The following THSD4 variants were observed in gnomAD, a reference collection of about 807,000 sequenced individuals.
The protein encoded by THSD4 is thrombospondin type-1 domain-containing protein 4.
THSD4 carries 69 observed loss-of-function variants against 119.0 expected under a neutral mutation model. The ratio of observed to expected loss-of-function variants is 0.58; its 90% confidence interval spans 0.48 to 0.71. The LOEUF is 0.71. Among genes scored for constraint, THSD4 ranks in the 30% least tolerant of loss-of-function variants. The pLI, the probability that THSD4 is intolerant of heterozygous loss-of-function variation, is 0.00. For missense variants in THSD4, 1,393 were observed against 1,391.1 expected (o/e 1.00, Z -0.02); for synonymous variants, 524 against 540.4 (o/e 0.97, Z 0.42).
In THSD4 at chr15:71,556,701, G is replaced by A. The variant is rs775106319; in HGVS notation, c.1153-103829G>A. On this transcript the variant is annotated intron_variant, in intron 7 of 17. Transcript: ENST00000261862. ...ATTACCTAAACACAGGGAGGCTGAC[G>A]CTGCAGTGAGCCATGATCATACCGC... 7.3e-5 allele frequency among the ~76,000 whole-genome samples: 11 copies of A among 151,462 alleles called. No homozygotes were observed. In the East Asian group the frequency reaches 9.7e-4, roughly 13 times the overall value.
At chr15:71,451,680 A>G (rs1443893372) in intron 7 of THSD4, among the ~76,000 whole-genome samples, 1 of 152,178 alleles carries the variant, frequency 6.6e-6, no homozygotes, top group Non-Finnish European at 1.5e-5. Flanking sequence ...TCTGGTTTAG[A>G]TGTCACTTCT....
chr15:71,142,677 A>G (rs2040616599), intron 2 of THSD4, among the ~76,000 whole-genome samples: 1 of 152,242 alleles, frequency 6.6e-6, no homozygotes, highest in African/African-American at 2.4e-5. Context: ...AACCCATTAC[A>G]GGTAAGTACT....
At chr15:71,715,659 G>A (rs2173873) in intron 8 of THSD4, among the ~76,000 whole-genome samples, 108,192 of 151,936 alleles carry the variant, frequency 0.71, 44,185 homozygotes, top group South Asian at 0.93. Context: ...TCATAGTATA[G>A]TAAAATTTAA....
intron 6 of THSD4, among the ~76,000 whole-genome samples, chr15:71,274,276 G>GTA (rs1448703817): frequency 5.9e-5 from 9 of 152,234 alleles, no homozygotes; most frequent in Non-Finnish European, 1.0e-4. Context: ...CATTCAGCTG[G>GTA]TAGGGCTTCC....
At chr15:71,604,570 T>A (rs927109680) in intron 7 of THSD4, among the ~76,000 whole-genome samples, 1 of 152,184 alleles carries the variant, frequency 6.6e-6, no homozygotes, top group Non-Finnish European at 1.5e-5. Flanking sequence ...AGGCCTAGGA[T>A]ATTCTAATGC....
At chr15:71,240,534 A>G (rs917438716) in intron 4 of THSD4, among the ~76,000 whole-genome samples, 1 of 152,108 alleles carries the variant, frequency 6.6e-6, no homozygotes, top group South Asian at 2.1e-4. Context: ...AGAATTTGCA[A>G]CTTAACAAGA....
At chr15:71,145,048 T>A (rs1381314203) in intron 2 of THSD4, among the ~76,000 whole-genome samples, 1 of 152,188 alleles carries the variant, frequency 6.6e-6, no homozygotes, top group Non-Finnish European at 1.5e-5. Flanking sequence ...CTTTATTTGT[T>A]TGTTCAGTGA....
chr15:71,549,578 G>C (rs1383086874), intron 7 of THSD4: 1 of 152,022 alleles, frequency 6.6e-6, no homozygotes, highest in Non-Finnish European at 1.5e-5. Context: ...CTTTTTTATT[G>C]TCGTGTTACT....
chr15:71,316,922 T>G (rs2045195220), intron 6 of THSD4, among the ~76,000 whole-genome samples: 1 of 152,214 alleles, frequency 6.6e-6, no homozygotes, highest in Non-Finnish European at 1.5e-5. Context: ...ACATTTATAT[T>G]TTCATGTGAC....
chr15:71,218,751 G>A lies in THSD4; in HGVS notation c.464+3352G>A, dbSNP rs1237745555. Among the ~76,000 whole-genome samples the A allele has an allele frequency of 3.3e-5, 5 of 152,292 alleles. No homozygotes were observed. The East Asian group carries it at 5.8e-4, about 18-fold the overall frequency. ...CAGCATATTTTCAGGATGGCTGTCCGCTCCACTCTCTGTTTCAGGTTTGAA... is the reference window on the plus strand; with the variant it reads ...CAGCATATTTTCAGGATGGCTGTCCACTCCACTCTCTGTTTCAGGTTTGAA... On this transcript the variant is annotated intron_variant, in intron 4 of 17. Coordinates refer to ENST00000261862, the MANE Select transcript of THSD4 (RefSeq NM_024817.3).
chr15:71,741,577 C>T (rs1468826821), intron 11 of THSD4, among the ~76,000 whole-genome samples: 1 of 151,532 alleles, frequency 6.6e-6, no homozygotes, highest in East Asian at 2.0e-4. Context: ...CTGTCCTTTG[C>T]ATTGCAGAAA....
chr15:71,640,495 G>A (rs1501420), intron 7 of THSD4, among the ~76,000 whole-genome samples: 2 of 152,146 alleles, frequency 1.3e-5, no homozygotes, highest in African/African-American at 4.8e-5. Flanking sequence ...AAATTCTCCC[G>A]TATTGGATTA....
intron 6 of THSD4, among the ~76,000 whole-genome samples, chr15:71,350,996 G>A (rs115249709): frequency 0.012 from 1,868 of 152,278 alleles, 46 homozygotes; most frequent in African/African-American, 0.043. Context: ...TTGTCACCAC[G>A]CTGTGGTGGG....
At chr15:71,726,929 C>T (rs1175206659) in intron 8 of THSD4, among the ~76,000 whole-genome samples, 7 of 149,762 alleles carry the variant, frequency 4.7e-5, no homozygotes, top group East Asian at 2.0e-4. Flanking sequence ...AAGAACGAAA[C>T]GCCATCTCAA....
intron 7 of THSD4, among the ~76,000 whole-genome samples, chr15:71,645,001 A>G (rs1214544749): frequency 6.6e-6 from 1 of 152,190 alleles, no homozygotes; most frequent in Non-Finnish European, 1.5e-5. Context: ...AAGTTCCTTC[A>G]GCTTAAAGGT....
rs2045442896 is a variant in THSD4, at chr15:71,332,895, T to TTTTTTTTTTTTTTTTTC, written c.1015+76193_1015+76194insTTTCTTTTTTTTTTTTT. ...TAAAACATTGAGATTTTTTTACATT[T>TTTTTTTTTTTTTTTTTC]TTTTTTTTTTTTTAGTTCATCAGCT... On this transcript the variant is annotated intron_variant, in intron 6 of 17. Coordinates refer to ENST00000261862, the MANE Select transcript of THSD4 (RefSeq NM_024817.3). Among the ~76,000 whole-genome samples the TTTTTTTTTTTTTTTTTC allele has an allele frequency of 2.4e-5, 3 of 126,746 alleles. No homozygotes were observed. In the Admixed American group the frequency reaches 2.5e-4, roughly 11 times the overall value. 83.2% of individuals were successfully genotyped at this position (126,746 alleles called of 152,430 possible).
chr15:71,264,036 C>T (rs12708502), intron 6 of THSD4, among the ~76,000 whole-genome samples: 58,104 of 152,192 alleles, frequency 0.38, 11,896 homozygotes, highest in Middle Eastern at 0.53. Flanking sequence ...CTACCCCTTG[C>T]GTGCTTCTGA....
intron 5 of THSD4, among the ~76,000 whole-genome samples, chr15:71,255,437 T>A (rs923186379): frequency 6.6e-6 from 1 of 152,246 alleles, no homozygotes; most frequent in Non-Finnish European, 1.5e-5. Flanking sequence ...GGGAGCAGTA[T>A]GTTTTCCTTG....
rs976398461 is a variant in THSD4, at chr15:71,416,664, G to A, written c.1152+4841G>A. Among the ~76,000 whole-genome samples, 158 of 106,614 alleles carry A rather than the reference G, an allele frequency of 1.5e-3. 47 individuals carry two copies. The highest frequency in any genetic ancestry group is 4.7e-3 in the African/African-American group (145 of 31,178). The allele number at this position is 106,614 out of a possible 152,430, so 69.9% of individuals were successfully genotyped here. A position where few individuals can be genotyped will look rare whatever the true frequency, so the allele number is the denominator to read the frequency against. On this transcript the variant is annotated intron_variant, in intron 7 of 17. Coordinates refer to ENST00000261862, the MANE Select transcript of THSD4 (RefSeq NM_024817.3). ...CTTTTAAGAAATGTTTATTGAAATC[G>A]CTTGCCCATTTTATTTATTTTATTT...
Sources: gnomAD v4.1 joint callset for allele counts (sites outside exome capture counted in the v4.1 genomes callset) on GRCh38, gnomAD v4.1.1 for gene constraint, MANE v1.5 for transcripts, NCBI Gene and HGNC (gene_info 2026-07-23, HGNC 2026-07-21) for gene names.